The following GTF2E1 variants were observed in gnomAD, a reference collection of about 807,000 sequenced individuals.
GTF2E1 encodes TFIIE alpha subunit.
GTF2E1 carries 14 observed loss-of-function variants against 34.9 expected under a neutral mutation model. The ratio of observed to expected loss-of-function variants is 0.40; its 90% CI spans 0.27 to 0.63. GTF2E1 has a LOEUF of 0.63. Ranked by LOEUF, GTF2E1 falls within the 20% of genes least tolerant of loss-of-function variation. GTF2E1 has a pLI of 0.39. For missense variants in GTF2E1, 469 were observed against 557.7 expected, an observed-to-expected ratio of 0.84 and a Z score of 1.60; for synonymous variants, 188 against 192.9, an observed-to-expected ratio of 0.97 and a Z score of 0.21.
intron 2 of GTF2E1, among the ~76,000 whole-genome samples, chr3:120,765,673 G>A (rs544078707): frequency 1.3e-5 from 2 of 152,146 alleles, no homozygotes; most frequent in African/African-American, 2.4e-5. Flanking sequence ...CCTCTTAAGC[G>A]TTCATTTCCT....
At chr3:120,748,337 C>T (rs561959396) in intron 1 of GTF2E1, among the ~76,000 whole-genome samples, 1 of 152,016 alleles carries the variant, frequency 6.6e-6, no homozygotes, top group African/African-American at 2.4e-5. Context: ...TGCCTATGTC[C>T]TGAATGGTAA....
At chr3:120,761,377 G>T (rs1329021981) in intron 2 of GTF2E1, among the ~76,000 whole-genome samples, 1 of 152,068 alleles carries the variant, frequency 6.6e-6, no homozygotes. Context: ...CCAGCTCCTG[G>T]ATTCATTGAT....
At chr3:120,772,560 G>C (rs937352328) in intron 3 of GTF2E1, among the ~76,000 whole-genome samples, 1 of 152,068 alleles carries the variant, frequency 6.6e-6, no homozygotes, top group African/African-American at 2.4e-5. Context: ...GTCCTTTTAA[G>C]TTATATTGTA....
chr3:120,774,242 G>T (rs1709379703), intron 3 of GTF2E1, among the ~76,000 whole-genome samples: 1 of 152,158 alleles, frequency 6.6e-6, no homozygotes, highest in African/African-American at 2.4e-5. Flanking sequence ...ACATCAAGAT[G>T]GGGATGTTGG....
At chr3:120,765,472 T>G (rs1159604364) in intron 2 of GTF2E1, among the ~76,000 whole-genome samples, 1 of 152,184 alleles carries the variant, frequency 6.6e-6, no homozygotes, top group East Asian at 1.9e-4. Context: ...TCAATATTTT[T>G]GAAAAGTGGA....
intron 2 of GTF2E1, among the ~76,000 whole-genome samples, chr3:120,754,573 C>A (rs2107606571): frequency 6.6e-6 from 1 of 152,104 alleles, no homozygotes; most frequent in African/African-American, 2.4e-5. Flanking sequence ...TTCCTGTTCA[C>A]ATTTTTTCTT....
Position 120,776,429 on chromosome 3 carries a change from C to A in GTF2E1, c.657C>A (p.Asp219Glu). Residue 219 changes from aspartate (D) to glutamate (E), a missense_variant, in exon 4 of 5, where the codon GAC (aspartate) becomes GAA (glutamate). Physicochemically the swap from Asp to Glu is conservative, Grantham distance 45 (BLOSUM62 2). Coordinates refer to ENST00000283875, the MANE Select transcript of GTF2E1 (RefSeq NM_005513.3). ...CTCTATTCTTTTTATATAGCAAGGA[C>A]CATGCAGCAACTACTGCTGGAGCTG... ...TEIPALKQSKDHAATTAGAAS... is the reference protein window; with the variant it reads ...TEIPALKQSKEHAATTAGAAS... 26 of 1,612,874 alleles carry A rather than the reference C, an allele frequency of 1.6e-5. No homozygotes were observed. Among genetic ancestry groups the A allele is most frequent in the Non-Finnish European group, 2.2e-5 (26 of 1,179,504 alleles).
chr3:120,746,349 C>T (rs1403708628), intron 1 of GTF2E1, among the ~76,000 whole-genome samples: 2 of 151,948 alleles, frequency 1.3e-5, no homozygotes, highest in Non-Finnish European at 2.9e-5. Context: ...ATTAGACAGG[C>T]GTGGTGGTGC....
intron 2 of GTF2E1, among the ~76,000 whole-genome samples, chr3:120,758,566 TC>T (rs1255225483): frequency 1.6e-5 from 2 of 124,596 alleles, no homozygotes; most frequent in Admixed American, 1.6e-4. Context: ...TGCTAATCCC[TC>T]CCCCAGCCTC....
chr3:120,776,697 T>A, intron 4 of GTF2E1, 33 bp downstream of exon 4: 1 of 1,587,434 alleles, frequency 6.3e-7, no homozygotes, highest in South Asian at 1.1e-5. Context: ...TGGATGTGTC[T>A]TAGGTTCTGT....
chr3:120,748,231 CT>C (rs1406766009), intron 1 of GTF2E1, among the ~76,000 whole-genome samples: 2 of 151,930 alleles, frequency 1.3e-5, no homozygotes, highest in African/African-American at 4.8e-5. Context: ...GTTTCTTTTG[CT>C]GTGCAGAAGC....
At chr3:120,777,853 G>A (rs747686385) in intron 4 of GTF2E1, among the ~76,000 whole-genome samples, 1 of 152,178 alleles carries the variant, frequency 6.6e-6, no homozygotes, top group Non-Finnish European at 1.5e-5. Flanking sequence ...AGCCTCCTGA[G>A]TAGCTGGAAT....
intron 2 of GTF2E1, among the ~76,000 whole-genome samples, chr3:120,752,843 C>T (rs1709177027): frequency 1.3e-5 from 2 of 152,094 alleles, no homozygotes; most frequent in Non-Finnish European, 1.5e-5. Flanking sequence ...AGAAGGGGTG[C>T]CTGAGAGCAA....
chr3:120,774,510 A>G (rs1451766214), intron 3 of GTF2E1, among the ~76,000 whole-genome samples: 1 of 152,170 alleles, frequency 6.6e-6, no homozygotes, highest in Non-Finnish European at 1.5e-5. Flanking sequence ...ATGACTAGGG[A>G]CAGTTAATGG....
intron 2 of GTF2E1, among the ~76,000 whole-genome samples, chr3:120,758,268 C>CA (rs1709227213): frequency 6.6e-6 from 1 of 152,154 alleles, no homozygotes; most frequent in Non-Finnish European, 1.5e-5. Context: ...CTTTTCCGCT[C>CA]ACTGCACTCC....
chr3:120,779,053 A>T lies in GTF2E1; in HGVS notation c.893-1990A>T, dbSNP rs568030139. ...TTTGTAATTTATAACTCTGTTGAAA[A>T]AGGCTGTTCCTAGAACCACTGTTTC... On this transcript the variant is annotated intron_variant, in intron 4 of 4. Transcript: ENST00000283875. Among the ~76,000 whole-genome samples, 26 of 152,266 alleles carry T rather than the reference A, an allele frequency of 1.7e-4. 2 individuals are homozygous for T. The South Asian group carries it at 5.2e-3, about 30-fold the overall frequency.
intron 2 of GTF2E1, among the ~76,000 whole-genome samples, chr3:120,758,487 AG>A (rs1438528356): frequency 6.6e-6 from 1 of 152,268 alleles, no homozygotes; most frequent in East Asian, 1.9e-4. Flanking sequence ...TTTGTTACAT[AG>A]GTATACATGT....
At chr3:120,760,860 C>G (rs936249321) in intron 2 of GTF2E1, among the ~76,000 whole-genome samples, 28 of 152,098 alleles carry the variant, frequency 1.8e-4, no homozygotes, top group Non-Finnish European at 1.5e-4. Flanking sequence ...CGTCGATGTT[C>G]ATCAGGAATA....
rs1709454808 is a variant in GTF2E1 at position 120,782,176 on chromosome 3, C to G, written c.*706C>G. ...AAACAATTTCTTATACTGCTGCCCACCAAAGCAGCTTGCCAACAGTCAAAT... is the reference window on the plus strand; with the variant it reads ...AAACAATTTCTTATACTGCTGCCCAGCAAAGCAGCTTGCCAACAGTCAAAT... On this transcript the variant is annotated 3_prime_UTR_variant, in exon 5 of 5. Transcript: ENST00000283875. 6.6e-6 allele frequency: 1 copy of G among 152,162 alleles called. No homozygotes were observed. Among genetic ancestry groups the G allele is most frequent in the African/African-American group, 2.4e-5 (1 of 41,436 alleles). 9.4% of individuals were successfully genotyped at this position (152,162 alleles called of 1,614,324 possible). A position where few individuals can be genotyped will look rare whatever the true frequency, so the allele number is the denominator to read the frequency against.
Sources: gnomAD v4.1 joint callset for allele counts (sites outside exome capture counted in the v4.1 genomes callset) on GRCh38, gnomAD v4.1.1 for gene constraint, MANE v1.5 for transcripts, NCBI Gene and HGNC (gene_info 2026-07-23, HGNC 2026-07-21) for gene names.